The following DNAH9 variants were observed in gnomAD, a reference collection of about 807,000 sequenced individuals.
DNAH9 encodes the protein dynein axonemal heavy chain 9.
DNAH9 carries 345 observed loss-of-function variants against 471.6 expected under a neutral mutation model. The observed-to-expected ratio is 0.73, with a 90% CI of 0.67 to 0.80. DNAH9 has a LOEUF of 0.80. Among genes scored for constraint, DNAH9 ranks in the 30% least tolerant of loss-of-function variants. The pLI is 0.00. For synonymous variants in DNAH9, 2,093 were observed against 2,123.6 expected (o/e 0.99, Z 0.40); for missense variants, 5,407 against 5,609.2 (o/e 0.96, Z 1.15).
At chr17:11,839,814 C>T (rs1374694318) in intron 49 of DNAH9, among the ~76,000 whole-genome samples, 3 of 152,152 alleles carry the variant, frequency 2.0e-5, no homozygotes, top group Admixed American at 6.5e-5. Context: ...CACAGTCAAG[C>T]AAATTAACAT....
At chr17:11,840,953 A>G (rs1380209921) in intron 49 of DNAH9, among the ~76,000 whole-genome samples, 1 of 152,218 alleles carries the variant, frequency 6.6e-6, no homozygotes. Context: ...GTTTTGAGTC[A>G]GGAAGTTTGT....
chr17:11,654,150 T>C lies in DNAH9; in HGVS notation c.2595+1148T>C, dbSNP rs1381753749. ...GCGGGCGGATCACGAGGTCAGGAGA[T>C]CGAGACCATCCTGGCTAACACGGTG... On this transcript the variant is annotated intron_variant, in intron 14 of 68. Coordinates refer to ENST00000262442, the MANE Select transcript of DNAH9 (RefSeq NM_001372.4). Among the ~76,000 whole-genome samples, 3 of 120,942 alleles carry C rather than the reference T, an allele frequency of 2.5e-5. 1 individual carries two copies. Among genetic ancestry groups the C allele is most frequent in the Non-Finnish European group, 5.5e-5 (3 of 54,650 alleles). The allele number at this position is 120,942 out of a possible 152,430, so 79.3% of individuals were successfully genotyped here.
At chr17:11,622,042 C>A (rs1003943526) in intron 6 of DNAH9, among the ~76,000 whole-genome samples, 1 of 150,338 alleles carries the variant, frequency 6.7e-6, no homozygotes, top group Non-Finnish European at 1.5e-5. Context: ...GCTGAGATCG[C>A]GCCACTGCAC....
intron 10 of DNAH9, among the ~76,000 whole-genome samples, chr17:11,642,398 G>T (rs949963959): frequency 2.0e-5 from 3 of 151,686 alleles, no homozygotes; most frequent in African/African-American, 7.3e-5. Context: ...AATTAGCCAG[G>T]TGTGGTGGGG....
intron 59 of DNAH9, among the ~76,000 whole-genome samples, chr17:11,897,549 G>A (rs769462462): frequency 6.6e-6 from 1 of 152,158 alleles, no homozygotes; most frequent in Non-Finnish European, 1.5e-5. Context: ...ATGCTTTTAC[G>A]GAAAATAAGT....
chr17:11,937,592 C>T lies in DNAH9; in HGVS notation c.12660+70C>T, dbSNP rs1267716418. On this transcript the variant is annotated intron_variant, in intron 66 of 68. Coordinates refer to ENST00000262442, the MANE Select transcript of DNAH9 (RefSeq NM_001372.4). This position sits in a 1 kb window ranked among gnomAD's most constrained non-coding sequence, Gnocchi z 4.1. ...AGGATCATAGATGCACACCTTTCTCCTGCTGGCCATTTTGGCAGTACACAG... is the reference window on the plus strand; with the variant it reads ...AGGATCATAGATGCACACCTTTCTCTTGCTGGCCATTTTGGCAGTACACAG... 1.3e-6 allele frequency: 2 copies of T among 1,501,744 alleles called. No individual in the cohort carries two copies. The highest frequency in any genetic ancestry group is 4.3e-5 in the Admixed American group (2 of 46,152). The allele number at this position is 1,501,744 out of a possible 1,614,324, so 93.0% of individuals were successfully genotyped here.
In DNAH9 at chr17:11,814,758, C is replaced by T. The variant is rs73296419; in HGVS notation, c.8707+4389C>T. On this transcript the variant is annotated intron_variant, in intron 45 of 68. Coordinates refer to ENST00000262442, the MANE Select transcript of DNAH9 (RefSeq NM_001372.4). The stretch of plus-strand genomic sequence containing the variant: ...ATCTAGAACATAAAAAGATCCACCT[C>T]ATATCCTAGGTGCTTTAGGATTAGA... 1.6e-3 allele frequency among the ~76,000 whole-genome samples: 245 copies of T among 152,294 alleles called. 1 individual carries two copies. The highest frequency in any genetic ancestry group is 5.5e-3 in the African/African-American group (230 of 41,570).
chr17:11,877,974 T>A (rs1972566602), intron 53 of DNAH9, among the ~76,000 whole-genome samples: 1 of 152,126 alleles, frequency 6.6e-6, no homozygotes, highest in Non-Finnish European at 1.5e-5. Context: ...CCTCAGGTAA[T>A]CCACCTGCCT....
At chr17:11,691,650 G>A (rs1295841392) in intron 20 of DNAH9, among the ~76,000 whole-genome samples, 1 of 152,122 alleles carries the variant, frequency 6.6e-6, no homozygotes, top group Non-Finnish European at 1.5e-5. Flanking sequence ...TGCTCTCAGT[G>A]TAATTATAAT....
chr17:11,880,079 T>C lies in DNAH9; in HGVS notation c.10480T>C (p.Tyr3494His), dbSNP rs1480352266. 6.2e-7 allele frequency: 1 copy of C among 1,613,830 alleles called. No individual in the cohort carries two copies. The highest frequency in any genetic ancestry group is 8.5e-7 in the Non-Finnish European group (1 of 1,179,844). The change falls in exon 54 of 69, where the codon TAC (tyrosine) becomes CAC (histidine). Residue 3494 changes from tyrosine to histidine, a missense_variant and splice_region_variant. Physicochemically the swap from Tyr to His is moderately conservative, Grantham distance 83 (BLOSUM62 2). Coordinates refer to ENST00000262442, the MANE Select transcript of DNAH9 (RefSeq NM_001372.4). ...LRVTQIGQKG[Y>H]LQIIEQALEA... ...CCGGACTCATACTTGTTTCCCTAGC[T>C]ACCTTCAAATCATAGAGCAGGCCCT...
At chr17:11,766,429 G>A (rs1242026948) in intron 36 of DNAH9, among the ~76,000 whole-genome samples, 1 of 152,068 alleles carries the variant, frequency 6.6e-6, no homozygotes, top group African/African-American at 2.4e-5. Flanking sequence ...TCCCAATTCT[G>A]TCGTTTCATA....
intron 61 of DNAH9, among the ~76,000 whole-genome samples, chr17:11,922,807 C>T (rs898030369): frequency 2.6e-5 from 4 of 152,112 alleles, no homozygotes; most frequent in Admixed American, 2.6e-4. Context: ...CCCTACTGGC[C>T]ACACCTCCCA....
At chr17:11,959,559 A>C (rs1975904195) in intron 67 of DNAH9, among the ~76,000 whole-genome samples, 1 of 152,222 alleles carries the variant, frequency 6.6e-6, no homozygotes, top group Admixed American at 6.5e-5. Context: ...GTGTACACTA[A>C]AGCAGAGATT....
At chr17:11,820,209 CAT>C (rs1250061350) in intron 45 of DNAH9, among the ~76,000 whole-genome samples, 1 of 151,998 alleles carries the variant, frequency 6.6e-6, no homozygotes, top group Non-Finnish European at 1.5e-5. Context: ...AAATTATTTT[CAT>C]AGTTTTTTTT....
At position 11,669,714 on chromosome 17, in the gene DNAH9, C is replaced by G. The variant is rs754016748; in HGVS notation, c.3273C>G (p.Pro1091=). Reference sequence around the variant, plus strand: ...GCTGGATGAAAATTGATATTCGACCCTTTAAGGCATCTCTGCTGAATATTA... The same window carrying G: ...GCTGGATGAAAATTGATATTCGACCGTTTAAGGCATCTCTGCTGAATATTA... ...FDGWMKIDIR[P]FKASLLNIIK... is the part of the protein sequence containing the mutation. The change falls in exon 17 of 69, where the codon CCC becomes CCG. Residue 1091 remains proline (P), a synonymous_variant. Coordinates refer to ENST00000262442, the MANE Select transcript of DNAH9 (RefSeq NM_001372.4). The G allele has an allele frequency of 6.2e-7, 1 of 1,614,148 alleles. No homozygotes were observed. The highest frequency in any genetic ancestry group is 1.7e-5 in the Admixed American group (1 of 60,022).
chr17:11,688,980 C>T (rs183488478), intron 19 of DNAH9, among the ~76,000 whole-genome samples: 3 of 152,078 alleles, frequency 2.0e-5, no homozygotes, highest in East Asian at 3.9e-4. Flanking sequence ...TCTGTATTCC[C>T]AGCTACTTGG....
At chr17:11,599,325 T>C (rs1282400690) in intron 1 of DNAH9, among the ~76,000 whole-genome samples, 2 of 151,942 alleles carry the variant, frequency 1.3e-5, no homozygotes, top group Non-Finnish European at 2.9e-5. Flanking sequence ...TGGAAAGATC[T>C]GAAGAAGATG....
At chr17:11,719,721 T>A (rs1364947890) in intron 27 of DNAH9, among the ~76,000 whole-genome samples, 2 of 152,188 alleles carry the variant, frequency 1.3e-5, no homozygotes, top group Non-Finnish European at 2.9e-5. Flanking sequence ...CCCTTTGTAT[T>A]CTCATTCCAC....
chr17:11,734,184 G>C (rs986818892), intron 28 of DNAH9, among the ~76,000 whole-genome samples: 12 of 152,120 alleles, frequency 7.9e-5, no homozygotes, highest in African/African-American at 2.7e-4. Flanking sequence ...TAGAAATGCA[G>C]AGTCTCAGGC....
Sources: gnomAD v4.1 joint callset for allele counts (sites outside exome capture counted in the v4.1 genomes callset) on GRCh38, gnomAD v4.1.1 for gene constraint, Gnocchi (gnomAD v3.1) non-coding constraint, MANE v1.5 for transcripts, NCBI Gene and HGNC (gene_info 2026-07-23, HGNC 2026-07-21) for gene names.